The following CCNY variants were observed in gnomAD, a reference collection of about 807,000 sequenced individuals.
The protein encoded by CCNY is cyclin-Y.
A neutral mutation model predicts 42.8 loss-of-function variants in CCNY; 19 were observed. That is an observed-to-expected ratio of 0.44 (90% CI 0.31 to 0.65). The LOEUF is 0.65. Among genes scored for constraint, CCNY ranks in the 30% least tolerant of loss-of-function variants. The pLI is 0.07. For synonymous variants in CCNY, 165 were observed against 162.7 expected (o/e 1.01, Z -0.11); for missense variants, 370 against 437.3 (o/e 0.85, Z 1.37).
At chr10:35,322,311 G>C (rs571618333) in intron 3 of CCNY, among the ~76,000 whole-genome samples, 1 of 149,554 alleles carries the variant, frequency 6.7e-6, no homozygotes, top group Non-Finnish European at 1.5e-5. Flanking sequence ...CTGAGATCAC[G>C]TCACTACACT....
intron 7 of CCNY, among the ~76,000 whole-genome samples, chr10:35,545,857 A>G (rs1323825020): frequency 6.6e-6 from 1 of 152,246 alleles, no homozygotes; most frequent in Non-Finnish European, 1.5e-5. Context: ...ATCTTCCAGC[A>G]TCAGGTACAA....
intron 5 of CCNY, 49 bp from the exon 6 acceptor site, chr10:35,529,924 G>A: frequency 7.1e-7 from 1 of 1,414,862 alleles, no homozygotes; most frequent in Non-Finnish European, 9.9e-7. Context: ...TTATTTGAAT[G>A]ACATTCTTGC....
exon 1 of CCNY, chr10:35,247,105 G>C (rs2095708531): frequency 6.5e-6 from 1 of 153,612 alleles, no homozygotes; most frequent in Non-Finnish European, 1.4e-5. Context: ...GGCTTGTCCG[G>C]GGACAGCAGG....
chr10:35,369,291 G>A (rs1374310686), intron 1 of CCNY, among the ~76,000 whole-genome samples: 1 of 152,196 alleles, frequency 6.6e-6, no homozygotes, highest in Non-Finnish European at 1.5e-5. Flanking sequence ...TGTGACCTTG[G>A]ACCGTATTTC....
At chr10:35,490,998 C>T (rs1402683314) in intron 2 of CCNY, among the ~76,000 whole-genome samples, 1 of 152,172 alleles carries the variant, frequency 6.6e-6, no homozygotes, top group Non-Finnish European at 1.5e-5. Flanking sequence ...AAAAGAATTG[C>T]AAAAACTACT....
intron 1 of CCNY, among the ~76,000 whole-genome samples, chr10:35,346,000 A>G (rs745784154): frequency 6.6e-6 from 1 of 152,188 alleles, no homozygotes; most frequent in Non-Finnish European, 1.5e-5. Context: ...CCACATTCCT[A>G]GGAATGTCAG....
chr10:35,344,813 A>T (rs1443621765), intron 1 of CCNY, among the ~76,000 whole-genome samples: 3 of 151,932 alleles, frequency 2.0e-5, no homozygotes, highest in Non-Finnish European at 4.4e-5. Flanking sequence ...CCTATGAGTG[A>T]GAACATGCCG....
chr10:35,333,993 C>T (rs1208296912), upstream of CCNY, among the ~76,000 whole-genome samples: 1 of 140,252 alleles, frequency 7.1e-6, no homozygotes, highest in African/African-American at 2.7e-5. Flanking sequence ...CAAACAGGTA[C>T]ATACCTAAGG....
intron 1 of CCNY, among the ~76,000 whole-genome samples, chr10:35,473,913 C>T (rs553421306): frequency 3.8e-4 from 58 of 152,232 alleles, no homozygotes; most frequent in African/African-American, 1.3e-3. Context: ...GAGTGCCAGA[C>T]AGTGAGCGCA....
At chr10:35,565,847 T>G (rs955577169) in intron 8 of CCNY, among the ~76,000 whole-genome samples, 176 bp from the exon 9 acceptor site, 4 of 152,196 alleles carry the variant, frequency 2.6e-5, no homozygotes, top group African/African-American at 9.7e-5. Context: ...GGGCACCAGA[T>G]CAAGTGGATT....
chr10:35,422,160 T>G (rs1838172182), intron 1 of CCNY, among the ~76,000 whole-genome samples: 1 of 152,252 alleles, frequency 6.6e-6, no homozygotes, highest in African/African-American at 2.4e-5. Flanking sequence ...CACCTTTCTA[T>G]TCTTTTAAAA....
At chr10:35,489,353 T>C (rs1449913667) in intron 2 of CCNY, among the ~76,000 whole-genome samples, 1 of 152,180 alleles carries the variant, frequency 6.6e-6, no homozygotes, top group Non-Finnish European at 1.5e-5. Flanking sequence ...GAGGCTGGAG[T>C]GCGGTGGCAC....
At chr10:35,399,526 A>G (rs1357488429) in intron 1 of CCNY, among the ~76,000 whole-genome samples, 1 of 152,210 alleles carries the variant, frequency 6.6e-6, no homozygotes, top group Non-Finnish European at 1.5e-5. Flanking sequence ...GAAGGGAGGC[A>G]CAGGCTATTC....
At chr10:35,487,569 G>A (rs538932345) in intron 2 of CCNY, among the ~76,000 whole-genome samples, 1 of 152,176 alleles carries the variant, frequency 6.6e-6, no homozygotes, top group South Asian at 2.1e-4. Context: ...CAGAGTTTTC[G>A]TGATTGCTGA....
intron 1 of CCNY, among the ~76,000 whole-genome samples, chr10:35,409,541 C>G (rs1354736553): frequency 6.6e-6 from 1 of 151,950 alleles, no homozygotes; most frequent in Non-Finnish European, 1.5e-5. Flanking sequence ...CTCTGGAGGT[C>G]TGGGCATAGT....
intron 1 of CCNY, among the ~76,000 whole-genome samples, chr10:35,437,857 G>T (rs1383635645): frequency 6.6e-6 from 1 of 151,936 alleles, no homozygotes; most frequent in Non-Finnish European, 1.5e-5. Context: ...CTTGCTTTTG[G>T]GTTGGGAATT....
chr10:35,466,637 C>T (rs142556432), intron 1 of CCNY, among the ~76,000 whole-genome samples: 144 of 152,276 alleles, frequency 9.5e-4, no homozygotes, highest in African/African-American at 3.0e-3. Flanking sequence ...CTGGACTTTC[C>T]GTAACCCTCT....
Position 35,561,447 on chromosome 10 carries a change from G to A in CCNY, c.747-4576G>A, listed in dbSNP as rs141841922. Among the ~76,000 whole-genome samples, 64 of 152,256 alleles carry A rather than the reference G, an allele frequency of 4.2e-4. 2 individuals carry two copies. The East Asian group carries it at 0.012, about 28-fold the overall frequency. ...TTACAAAACTGGGCCCATACTGTACGCGTTGTTTTAAACTTTTTGCCATTT... is the reference window on the plus strand; with the variant it reads ...TTACAAAACTGGGCCCATACTGTACACGTTGTTTTAAACTTTTTGCCATTT... On this transcript the variant is annotated intron_variant, in intron 8 of 9. Coordinates refer to ENST00000374704, the MANE Select transcript of CCNY (RefSeq NM_145012.6).
chr10:35,558,298 A>T (rs1022894084), intron 8 of CCNY, among the ~76,000 whole-genome samples: 7 of 152,244 alleles, frequency 4.6e-5, no homozygotes, highest in Non-Finnish European at 1.0e-4. Flanking sequence ...ACTGGGAAAG[A>T]AGAAGCCAGA....
Sources: allele counts gnomAD v4.1 joint callset (sites outside exome capture counted in the v4.1 genomes callset), GRCh38; gene constraint gnomAD v4.1.1; transcripts MANE v1.5; gene names NCBI Gene and HGNC (gene_info 2026-07-23, HGNC 2026-07-21).